Variants in CLPB observed in about 807,000 individuals in gnomAD.
The protein encoded by CLPB is mitochondrial disaggregase.
CLPB carries 40 observed loss-of-function variants against 78.4 expected under a neutral mutation model. That is an observed-to-expected ratio of 0.51 (90% CI 0.40 to 0.66). The LOEUF is 0.66. CLPB is among the 30% of genes least tolerant of loss of function. The pLI is 0.00. For missense variants in CLPB, 780 were observed against 886.9 expected (o/e 0.88, Z 1.53); for synonymous variants, 333 against 348.0 (o/e 0.96, Z 0.48).
intron 2 of CLPB, among the ~76,000 whole-genome samples, chr11:72,411,532 T>C (rs1271154530): frequency 6.6e-6 from 1 of 152,198 alleles, no homozygotes; most frequent in Non-Finnish European, 1.5e-5. Context: ...TAATTCTAAA[T>C]ATGTGTAGCA....
chr11:72,384,966 C>T (rs778373227), intron 3 of CLPB, among the ~76,000 whole-genome samples: 1 of 152,162 alleles, frequency 6.6e-6, no homozygotes, highest in Non-Finnish European at 1.5e-5. Flanking sequence ...CAATATCCTA[C>T]TTTCAGCAAT....
At chr11:72,405,924 T>C (rs1855696527) in intron 2 of CLPB, among the ~76,000 whole-genome samples, 2 of 149,170 alleles carry the variant, frequency 1.3e-5, no homozygotes, top group Non-Finnish European at 3.0e-5. Flanking sequence ...TGAGACTCTG[T>C]CTCAAAAAAA....
intron 4 of CLPB, among the ~76,000 whole-genome samples, chr11:72,359,559 A>G (rs1360794252): frequency 6.6e-6 from 1 of 152,234 alleles, no homozygotes; most frequent in East Asian, 1.9e-4. Flanking sequence ...CATTCTAGTA[A>G]GTAAGTGGTT....
chr11:72,401,500 A>G (rs972301491), intron 3 of CLPB, among the ~76,000 whole-genome samples: 1 of 152,192 alleles, frequency 6.6e-6, no homozygotes, highest in African/African-American at 2.4e-5. Flanking sequence ...GCTTGGAGCT[A>G]AAGAGAGCAA....
intron 9 of CLPB, among the ~76,000 whole-genome samples, chr11:72,303,548 T>C (rs1437659597): frequency 6.6e-6 from 1 of 152,158 alleles, no homozygotes; most frequent in Non-Finnish European, 1.5e-5. Context: ...TTTTGTCCTG[T>C]GTTACAGAAG....
intron 2 of CLPB, among the ~76,000 whole-genome samples, chr11:72,422,282 A>C (rs1302736749): frequency 1.3e-5 from 2 of 151,228 alleles, no homozygotes; most frequent in African/African-American, 4.9e-5. Flanking sequence ...AAAAAAAAAA[A>C]AAAAAAAAAC....
At chr11:72,315,038 C>T (rs1949916949) in intron 7 of CLPB, among the ~76,000 whole-genome samples, 1 of 152,110 alleles carries the variant, frequency 6.6e-6, no homozygotes, top group Admixed American at 6.5e-5. Context: ...AGTGAAGGAG[C>T]TGCCTGGTTC....
chr11:72,417,489 G>A (rs992801115), intron 2 of CLPB, among the ~76,000 whole-genome samples: 1 of 152,148 alleles, frequency 6.6e-6, no homozygotes, highest in Admixed American at 6.5e-5. Flanking sequence ...GGTCCGGGGT[G>A]GGGTGGGAGA....
chr11:72,301,792 A>G lies in CLPB; in HGVS notation c.1329+11T>C, dbSNP rs1949660326. On this transcript the variant is annotated intron_variant, in intron 11 of 15. Transcript: ENST00000538039. ...TGTCCCCCCGCTCCATCCTGGCCCA[A>G]GGTGACTCACCTCATCAAACAGCTG... is the stretch of plus-strand genomic sequence containing the variant. 1 of 1,613,026 alleles carries G rather than the reference A, an allele frequency of 6.2e-7. No homozygotes were observed. Among genetic ancestry groups the G allele is most frequent in the African/African-American group, 1.3e-5 (1 of 74,910 alleles).
At chr11:72,319,058 A>C (rs1450783017) in intron 6 of CLPB, among the ~76,000 whole-genome samples, 2 of 152,200 alleles carry the variant, frequency 1.3e-5, no homozygotes, top group Non-Finnish European at 2.9e-5. Context: ...TTGTTGGGTC[A>C]GTTTCCTCAC....
At position 72,346,516 on chromosome 11, in the gene CLPB, C is replaced by T. The variant is rs75529696; in HGVS notation, c.775+12364G>A. Among the ~76,000 whole-genome samples the T allele has an allele frequency of 3.9e-3, 589 of 149,260 alleles. 12 individuals carry two copies. The East Asian group carries it at 0.064, about 16-fold the overall frequency. On this transcript the variant is annotated intron_variant, in intron 5 of 15. Coordinates refer to ENST00000538039, the MANE Select transcript of CLPB (RefSeq NM_001258392.3). Reference sequence around the variant, plus strand: ...CCTCAAGAAATAGCTGATTTCAGGGCAACAGCAAGGTAGATACGAGATGAG... The same window carrying T: ...CCTCAAGAAATAGCTGATTTCAGGGTAACAGCAAGGTAGATACGAGATGAG...
chr11:72,388,409 C>A (rs998170643), intron 3 of CLPB, among the ~76,000 whole-genome samples: 6 of 152,104 alleles, frequency 3.9e-5, no homozygotes, highest in Non-Finnish European at 8.8e-5. Flanking sequence ...TGCCACCATG[C>A]CCGGCTAATT....
intron 5 of CLPB, among the ~76,000 whole-genome samples, chr11:72,335,511 C>G (rs1018682304): frequency 7.2e-5 from 11 of 152,174 alleles, no homozygotes; most frequent in African/African-American, 2.7e-4. Context: ...CAGATTCTCT[C>G]ACCAACCCCA....
At chr11:72,322,200 C>T (rs1314585322) in intron 6 of CLPB, among the ~76,000 whole-genome samples, 2 of 152,138 alleles carry the variant, frequency 1.3e-5, no homozygotes, top group African/African-American at 2.4e-5. Context: ...ACTTGGTAAT[C>T]ACTAGGTCGG....
chr11:72,348,078 CT>C (rs1950547090), intron 5 of CLPB, among the ~76,000 whole-genome samples: 1 of 152,162 alleles, frequency 6.6e-6, no homozygotes, highest in African/African-American at 2.4e-5. Flanking sequence ...GACTTCTTCC[CT>C]CCAGAACTAT....
intron 7 of CLPB, among the ~76,000 whole-genome samples, chr11:72,311,207 G>A (rs1377709321): frequency 6.6e-6 from 1 of 152,182 alleles, no homozygotes; most frequent in Non-Finnish European, 1.5e-5. Flanking sequence ...TAGTGTTTGT[G>A]GTTGGCAGGG....
chr11:72,386,800 C>T (rs974018190), intron 3 of CLPB, among the ~76,000 whole-genome samples: 2 of 152,134 alleles, frequency 1.3e-5, no homozygotes, highest in African/African-American at 4.8e-5. Context: ...GGTCTCTAAG[C>T]AGCTAAAATC....
intron 4 of CLPB, among the ~76,000 whole-genome samples, chr11:72,365,411 G>A (rs1301274300): frequency 6.6e-6 from 1 of 152,208 alleles, no homozygotes; most frequent in African/African-American, 2.4e-5. Context: ...GCCAGGAGCT[G>A]GGAATAGTTG....
chr11:72,295,455 G>A (rs1203828537), intron 12 of CLPB, 37 bp downstream of exon 12: 1 of 1,599,584 alleles, frequency 6.3e-7, no homozygotes, highest in Admixed American at 1.7e-5. Flanking sequence ...CTGGTGGCTT[G>A]GTCACTGGAC....
Sources: allele counts gnomAD v4.1 joint callset (sites outside exome capture counted in the v4.1 genomes callset), GRCh38; gene constraint gnomAD v4.1.1; transcripts MANE v1.5; gene names NCBI Gene and HGNC (gene_info 2026-07-23, HGNC 2026-07-21).